The following NBAS variants were observed in gnomAD, a reference collection of about 807,000 sequenced individuals.
NBAS encodes NAG/BC035112 fusion.
NBAS carries 219 observed loss-of-function variants against 302.5 expected under a neutral mutation model. That is an observed-to-expected ratio of 0.72 (90% CI 0.65 to 0.81). NBAS has a LOEUF of 0.81. Among genes scored for constraint, NBAS ranks in the 30% least tolerant of loss-of-function variants. The probability of loss-of-function intolerance (pLI) is 0.00; values close to 1 mark genes in which losing one functional copy is unlikely to be tolerated. For synonymous variants in NBAS, 1,118 were observed against 1,021.6 expected (o/e 1.09, Z -1.80); for missense variants, 2,932 against 2,841.6 (o/e 1.03, Z -0.72).
chr2:15,374,538 C>G, intron 31 of NBAS, 70 bp downstream of exon 31: 13 of 1,353,884 alleles, frequency 9.6e-6, no homozygotes, highest in Non-Finnish European at 1.4e-5. Flanking sequence ...GTTTTAAAAA[C>G]TAAAAAAGAA....
rs560206862 is a variant in NBAS, at chr2:15,387,325, C to T, written c.3258-4008G>A. Among the ~76,000 whole-genome samples, 7 of 152,190 alleles carry T rather than the reference C, an allele frequency of 4.6e-5. No individual in the cohort carries two copies. The East Asian group carries it at 1.2e-3, about 25-fold the overall frequency. On this transcript the variant is annotated intron_variant, in intron 28 of 51. Transcript: ENST00000281513. ...CTTGTGATCCGCCCGCCTCGGCCTC[C>T]CAAAGTGCTGGGATTACAGGCGTAA...
intron 9 of NBAS, among the ~76,000 whole-genome samples, chr2:15,518,007 T>C (rs1021734632): frequency 1.3e-5 from 2 of 152,198 alleles, no homozygotes; most frequent in African/African-American, 4.8e-5. Context: ...ACCATCTGTT[T>C]ATTACATCAT....
At chr2:15,422,350 C>A (rs1307567122) in intron 23 of NBAS, among the ~76,000 whole-genome samples, 1 of 152,100 alleles carries the variant, frequency 6.6e-6, no homozygotes, top group East Asian at 1.9e-4. Context: ...GGGGGCACCA[C>A]AATTTATCTG....
At chr2:14,859,546 C>A in the NBAS span, among the ~76,000 whole-genome samples, 1 of 152,070 alleles carries the variant, frequency 6.6e-6, no homozygotes, top group Admixed American at 6.5e-5. Context: ...TTACAGACAA[C>A]TCATCTTCAA....
At chr2:15,331,101 T>G (rs1000020707) in intron 35 of NBAS, among the ~76,000 whole-genome samples, 1 of 152,212 alleles carries the variant, frequency 6.6e-6, no homozygotes, top group African/African-American at 2.4e-5. Context: ...ATACTCATAT[T>G]TGTTTCCTTG....
chr2:14,914,377 C>T, the NBAS span, among the ~76,000 whole-genome samples: 1 of 152,220 alleles, frequency 6.6e-6, no homozygotes, highest in Non-Finnish European at 1.5e-5. Flanking sequence ...GAAGAGACTG[C>T]ACCAGCAAGG....
intron 7 of NBAS, chr2:15,538,245 A>T (rs1055649316): frequency 3.4e-6 from 1 of 293,184 alleles, no homozygotes; most frequent in Non-Finnish European, 7.0e-6. Context: ...ATTTGAGCAC[A>T]CATACAGCTC....
chr2:14,834,812 T>C, the NBAS span, among the ~76,000 whole-genome samples: 1 of 152,038 alleles, frequency 6.6e-6, no homozygotes, highest in Non-Finnish European at 1.5e-5. Context: ...TAAGCTGACA[T>C]AAGTCAGTAC....
chr2:15,120,059 C>A, the NBAS span, among the ~76,000 whole-genome samples: 1 of 152,106 alleles, frequency 6.6e-6, no homozygotes, highest in African/African-American at 2.4e-5. Context: ...CAAAAATATT[C>A]CAAACCAAAT....
At chr2:15,460,325 C>G (rs1679451779) in intron 21 of NBAS, among the ~76,000 whole-genome samples, 2 of 152,128 alleles carry the variant, frequency 1.3e-5, no homozygotes, top group Admixed American at 6.5e-5. Flanking sequence ...GACTTCAACC[C>G]ATTTTAAAGA....
At chr2:14,941,094 A>T in the NBAS span, among the ~76,000 whole-genome samples, 28 of 152,320 alleles carry the variant, frequency 1.8e-4, 1 homozygote, top group African/African-American at 6.5e-4. Flanking sequence ...TGAGGGCAGG[A>T]TAGGGAGGGG....
At chr2:15,042,196 C>T in the NBAS span, among the ~76,000 whole-genome samples, 2 of 152,176 alleles carry the variant, frequency 1.3e-5, no homozygotes, top group Admixed American at 1.3e-4. Flanking sequence ...AGTGGCCTTT[C>T]CCCTCCGTTC....
the NBAS span, among the ~76,000 whole-genome samples, chr2:14,953,622 A>G: frequency 5.9e-5 from 9 of 152,054 alleles, no homozygotes; most frequent in African/African-American, 2.2e-4. Context: ...GGCACATAGA[A>G]CCAGTAAGAG....
At chr2:15,473,924 GC>G (rs1680069732) in intron 15 of NBAS, 142 bp downstream of exon 15, 3 of 1,007,800 alleles carry the variant, frequency 3.0e-6, no homozygotes, top group Non-Finnish European at 4.3e-6. Flanking sequence ...ATTTTAAAAA[GC>G]TTTATAGAAC....
intron 49 of NBAS, among the ~76,000 whole-genome samples, chr2:15,187,085 C>T (rs935375336): frequency 6.6e-6 from 1 of 152,046 alleles, no homozygotes; most frequent in African/African-American, 2.4e-5. Flanking sequence ...CCCAGCAGCA[C>T]GGAGGTAGTA....
chr2:15,556,985 C>A (rs1344819407), intron 2 of NBAS, among the ~76,000 whole-genome samples, 166 bp from the exon 3 acceptor site: 1 of 151,954 alleles, frequency 6.6e-6, no homozygotes, highest in Non-Finnish European at 1.5e-5. Context: ...CTAATATACA[C>A]TGTAACATTT....
intron 48 of NBAS, among the ~76,000 whole-genome samples, chr2:15,206,844 G>A (rs1358487945): frequency 2.0e-5 from 3 of 152,198 alleles, no homozygotes; most frequent in Non-Finnish European, 1.5e-5. Context: ...GAGGATGTAT[G>A]GAAATCCCTG....
At chr2:15,222,995 G>A (rs754423208) in intron 47 of NBAS, among the ~76,000 whole-genome samples, 3 of 152,164 alleles carry the variant, frequency 2.0e-5, no homozygotes, top group Non-Finnish European at 4.4e-5. Context: ...ATAAAATTAT[G>A]AGAAGTCCTT....
the NBAS span, among the ~76,000 whole-genome samples, chr2:15,095,668 G>A: frequency 3.3e-5 from 5 of 152,204 alleles, no homozygotes; most frequent in East Asian, 9.7e-4. Context: ...TGGAGGCACG[G>A]ACCCAGCTCC....
Sources: gnomAD v4.1 joint callset for allele counts (sites outside exome capture counted in the v4.1 genomes callset) on GRCh38, gnomAD v4.1.1 for gene constraint, MANE v1.5 for transcripts, NCBI Gene and HGNC (gene_info 2026-07-23, HGNC 2026-07-21) for gene names.